The following YPEL2 variants were observed in gnomAD, a reference collection of about 807,000 sequenced individuals.
YPEL2 encodes the protein yippee like 2.
A neutral mutation model predicts 19.1 loss-of-function variants in YPEL2; 2 were observed. The ratio of observed to expected loss-of-function variants is 0.10; its 90% confidence interval spans 0.04 to 0.33. YPEL2 has a LOEUF of 0.33. Among genes scored for constraint, YPEL2 ranks in the 10% least tolerant of loss-of-function variants. The probability of loss-of-function intolerance (pLI) is 1.00; values close to 1 mark genes in which losing one functional copy is unlikely to be tolerated. For synonymous variants in YPEL2, 52 were observed against 50.0 expected, an observed-to-expected ratio of 1.04 and a Z score of -0.17; for missense variants, 66 against 140.7, an observed-to-expected ratio of 0.47 and a Z score of 2.68.
At chr17:59,378,192 C>G (rs1341883698) in intron 2 of YPEL2, among the ~76,000 whole-genome samples, 1 of 152,100 alleles carries the variant, frequency 6.6e-6, no homozygotes, top group Admixed American at 6.5e-5. Context: ...TTCCCTAGGC[C>G]CATCCCTGAA....
intron 4 of YPEL2, among the ~76,000 whole-genome samples, chr17:59,396,392 A>T (rs1008265980): frequency 1.3e-5 from 2 of 152,262 alleles, no homozygotes; most frequent in African/African-American, 4.8e-5. Context: ...AATGCAAATT[A>T]TAATGTATAT....
intron 1 of YPEL2, among the ~76,000 whole-genome samples, chr17:59,345,467 G>A (rs904887527): frequency 2.6e-5 from 4 of 152,108 alleles, no homozygotes; most frequent in Non-Finnish European, 4.4e-5. Flanking sequence ...TTTAATAGAC[G>A]ATTTTCAGAG....
chr17:59,370,200 C>T (rs1488880285), intron 2 of YPEL2, among the ~76,000 whole-genome samples: 2 of 152,120 alleles, frequency 1.3e-5, no homozygotes, highest in African/African-American at 2.4e-5. Context: ...ATAGCTGGGA[C>T]TACAGGCGCC....
At chr17:59,383,541 T>TGAGACCGCG in intron 2 of YPEL2, among the ~76,000 whole-genome samples, 2 of 112,318 alleles carry the variant, frequency 1.8e-5, no homozygotes, top group African/African-American at 6.9e-5. Flanking sequence ...GAGCTTGCAC[T>TGAGACCGCG]CCAGCCTGGG....
At chr17:59,384,142 C>T (rs2047968660) in intron 2 of YPEL2, among the ~76,000 whole-genome samples, 1 of 152,132 alleles carries the variant, frequency 6.6e-6, no homozygotes, top group African/African-American at 2.4e-5. Context: ...AAAAATTTAA[C>T]CATTCTAATG....
intron 1 of YPEL2, among the ~76,000 whole-genome samples, chr17:59,334,718 A>G (rs531047984): frequency 1.3e-5 from 2 of 152,060 alleles, no homozygotes; most frequent in African/African-American, 2.4e-5. Flanking sequence ...TTCAAAAAGG[A>G]CTCTATCCAA....
intron 4 of YPEL2, among the ~76,000 whole-genome samples, chr17:59,392,993 T>G (rs750019222): frequency 2.6e-5 from 4 of 152,164 alleles, no homozygotes; most frequent in Admixed American, 6.5e-5. Context: ...AGTGTGAATC[T>G]CCCAGTTCTG....
At chr17:59,386,400 G>A (rs963677246) in intron 2 of YPEL2, among the ~76,000 whole-genome samples, 5 of 152,058 alleles carry the variant, frequency 3.3e-5, no homozygotes, top group African/African-American at 1.2e-4. Flanking sequence ...GTATCATTGG[G>A]TGCCTTTTTC....
At chr17:59,387,338 C>T (rs2047985892) in intron 2 of YPEL2, among the ~76,000 whole-genome samples, 1 of 151,042 alleles carries the variant, frequency 6.6e-6, no homozygotes. Context: ...GCACATCTGA[C>T]AAAAATGATT....
chr17:59,332,225 G>A (rs2047674455), intron 1 of YPEL2, among the ~76,000 whole-genome samples: 1 of 152,102 alleles, frequency 6.6e-6, no homozygotes, highest in Non-Finnish European at 1.5e-5. Flanking sequence ...GTCCGGGTGG[G>A]GCTGGGGACG....
In YPEL2 at chr17:59,336,705, C is replaced by T. The variant is rs570218177; in HGVS notation, c.-196+4881C>T. 2.0e-5 allele frequency among the ~76,000 whole-genome samples: 3 copies of T among 152,190 alleles called. No individual in the cohort carries two copies. In the South Asian group the frequency reaches 6.2e-4, roughly 31 times the overall value. ...CACTAACATTAATAGGTGGATTCCC[C>T]TCTCTCTGGCTCAGAGGAATCCATT... On this transcript the variant is annotated intron_variant, in intron 1 of 4. Coordinates refer to ENST00000312655, the MANE Select transcript of YPEL2 (RefSeq NM_001005404.4).
intron 2 of YPEL2, among the ~76,000 whole-genome samples, chr17:59,369,079 G>A (rs1218096054): frequency 6.6e-6 from 1 of 151,048 alleles, no homozygotes; most frequent in Non-Finnish European, 1.5e-5. Context: ...CAGGTCCTGG[G>A]CCCTCTGTCT....
intron 1 of YPEL2, 25 bp downstream of exon 1, chr17:59,331,849 G>A (rs2047671080): frequency 6.6e-6 from 1 of 151,564 alleles, no homozygotes; most frequent in Non-Finnish European, 1.5e-5. Flanking sequence ...GTGCGGCGCG[G>A]GCCGGGCGCG....
chr17:59,362,733 C>T (rs1163632095), intron 2 of YPEL2: 3 of 152,164 alleles, frequency 2.0e-5, no homozygotes, highest in Non-Finnish European at 4.4e-5. Context: ...TCCAAAGAAA[C>T]TCTTTTTCAT....
At position 59,337,484 on chromosome 17, in the gene YPEL2, C is replaced by G. The variant is rs145045836; in HGVS notation, c.-196+5660C>G. Among the ~76,000 whole-genome samples, 657 of 152,220 alleles carry G rather than the reference C, an allele frequency of 4.3e-3. 2 individuals are homozygous for G. The highest frequency in any genetic ancestry group is 9.2e-3 in the African/African-American group (380 of 41,526). Reference sequence around the variant, plus strand: ...GATTACAAGCGTGAGCCACCGCGCCCGGCCGGGAGAAATTCTTTTAGAACC... The same window carrying G: ...GATTACAAGCGTGAGCCACCGCGCCGGGCCGGGAGAAATTCTTTTAGAACC... On this transcript the variant is annotated intron_variant, in intron 1 of 4. Transcript: ENST00000312655.
chr17:59,342,696 T>C (rs564086665), intron 1 of YPEL2, among the ~76,000 whole-genome samples: 19 of 152,312 alleles, frequency 1.2e-4, no homozygotes, highest in Non-Finnish European at 2.2e-4. Context: ...GGCAGTCTCT[T>C]GGGGCTGGAG....
intron 3 of YPEL2, among the ~76,000 whole-genome samples, chr17:59,388,627 T>C (rs1486088068): frequency 6.6e-6 from 1 of 152,166 alleles, no homozygotes; most frequent in African/African-American, 2.4e-5. Context: ...GGGAAGAAGC[T>C]GAGGAGATTC....
intron 1 of YPEL2, among the ~76,000 whole-genome samples, chr17:59,346,383 A>G (rs1598028047): frequency 6.6e-6 from 1 of 152,220 alleles, no homozygotes; most frequent in African/African-American, 2.4e-5. Context: ...ATGGATGCCA[A>G]TGACAGGCCT....
intron 2 of YPEL2, among the ~76,000 whole-genome samples, chr17:59,384,194 CTT>C (rs1321806470): frequency 1.3e-5 from 2 of 152,102 alleles, no homozygotes; most frequent in African/African-American, 4.8e-5. Flanking sequence ...GTTTTTTTCT[CTT>C]TTATGGATTG....
Sources: gnomAD v4.1 joint callset for allele counts (sites outside exome capture counted in the v4.1 genomes callset) on GRCh38, gnomAD v4.1.1 for gene constraint, MANE v1.5 for transcripts, NCBI Gene and HGNC (gene_info 2026-07-23, HGNC 2026-07-21) for gene names.